ANO4: variants seen among roughly 807,000 people sequenced by gnomAD.
ANO4 encodes the protein anoctamin-4.
A neutral mutation model predicts 141.9 loss-of-function variants in ANO4; 69 were observed. The ratio of observed to expected loss-of-function variants is 0.49; its 90% CI spans 0.40 to 0.59. The LOEUF is 0.59. Among genes scored for constraint, ANO4 ranks in the 20% least tolerant of loss-of-function variants. ANO4 has a pLI of 0.00. For missense variants in ANO4, 894 were observed against 1,162.2 expected, an observed-to-expected ratio of 0.77 and a Z score of 3.36; for synonymous variants, 350 against 394.3, an observed-to-expected ratio of 0.89 and a Z score of 1.33.
At chr12:100,755,731 C>A (rs925720116) in intron 3 of ANO4, among the ~76,000 whole-genome samples, 11 of 152,124 alleles carry the variant, frequency 7.2e-5, no homozygotes, top group African/African-American at 2.4e-4. Flanking sequence ...CCTGCTTAAC[C>A]CAAATATTTG....
At chr12:100,777,894 T>C (rs1156415002) in intron 3 of ANO4, among the ~76,000 whole-genome samples, 1 of 151,748 alleles carries the variant, frequency 6.6e-6, no homozygotes. Context: ...TGGTACTTTC[T>C]TGTCTTTAGA....
At chr12:100,760,915 G>A (rs1378832022) in intron 3 of ANO4, among the ~76,000 whole-genome samples, 1 of 152,118 alleles carries the variant, frequency 6.6e-6, no homozygotes, top group African/African-American at 2.4e-5. Flanking sequence ...GGTCCTTTCT[G>A]GGTAAAGAGA....
chr12:100,790,737 A>G (rs2034018567), upstream of ANO4, among the ~76,000 whole-genome samples: 1 of 152,218 alleles, frequency 6.6e-6, no homozygotes, highest in Non-Finnish European at 1.5e-5. Context: ...CTTCAGGCTA[A>G]GGAATGCTGA....
Position 100,988,872 on chromosome 12 carries a change from G to GA in ANO4, c.734+1218dup, listed in dbSNP as rs748666892. Among the ~76,000 whole-genome samples the GA allele has an allele frequency of 9.2e-3, 600 of 64,976 alleles. 43 individuals carry two copies. Among genetic ancestry groups the GA allele is most frequent in the South Asian group, 0.043 (78 of 1,832 alleles). The allele number at this position is 64,976 out of a possible 152,430, so 42.6% of individuals were successfully genotyped here. A position where few individuals can be genotyped will look rare whatever the true frequency, so the allele number is the denominator to read the frequency against. ...GGTGACAGAGTGAGACTCTGTCTCA[G>GA]AAAAAAAAAAAAAAAAGAAAGAAAA... On this transcript the variant is annotated intron_variant, in intron 8 of 27. Transcript: ENST00000392977.
At chr12:100,805,361 T>G (rs2034943199) in intron 1 of ANO4, among the ~76,000 whole-genome samples, 1 of 152,220 alleles carries the variant, frequency 6.6e-6, no homozygotes, top group Non-Finnish European at 1.5e-5. Context: ...AGCCTTGTAG[T>G]ATAGTTTGAA....
chr12:100,717,326 C>T (rs2030637317), upstream of ANO4, among the ~76,000 whole-genome samples: 1 of 151,610 alleles, frequency 6.6e-6, no homozygotes, highest in Non-Finnish European at 1.5e-5. Flanking sequence ...TCTCGCGGCG[C>T]AGCCCGGCCG....
At chr12:100,885,927 G>A (rs1181706165) in intron 1 of ANO4, among the ~76,000 whole-genome samples, 2 of 152,130 alleles carry the variant, frequency 1.3e-5, no homozygotes, top group Non-Finnish European at 2.9e-5. Context: ...TGTCCCAGGG[G>A]AGCCACAAAG....
intron 5 of ANO4, among the ~76,000 whole-genome samples, chr12:100,948,629 A>G (rs918374703): frequency 6.6e-6 from 1 of 152,210 alleles, no homozygotes; most frequent in Non-Finnish European, 1.5e-5. Flanking sequence ...TTAAAGAAAT[A>G]TACAAAATTA....
chr12:100,854,157 A>C (rs1260556938), intron 1 of ANO4, among the ~76,000 whole-genome samples: 3 of 152,138 alleles, frequency 2.0e-5, no homozygotes, highest in African/African-American at 7.2e-5. Context: ...ATAGAATTCT[A>C]AAGTGATAGT....
chr12:100,760,663 G>A (rs1426570885), intron 3 of ANO4, among the ~76,000 whole-genome samples: 4 of 152,138 alleles, frequency 2.6e-5, no homozygotes, highest in African/African-American at 7.2e-5. Context: ...CTTGTAAAAC[G>A]TTCAGGTAGA....
At chr12:100,836,745 C>T (rs1277877324) in intron 1 of ANO4, among the ~76,000 whole-genome samples, 1 of 152,008 alleles carries the variant, frequency 6.6e-6, no homozygotes, top group Non-Finnish European at 1.5e-5. Context: ...AATAGGATGA[C>T]CCAAGGTCTA....
rs747050934 is a variant in ANO4 at position 100,901,685 on chromosome 12, A to G, written c.-101A>G. 9.7e-7 allele frequency: 1 copy of G among 1,029,774 alleles called. No homozygotes were observed. The highest frequency in any genetic ancestry group is 1.5e-6 in the Non-Finnish European group (1 of 647,266). The allele number at this position is 1,029,774 out of a possible 1,614,324, so 63.8% of individuals were successfully genotyped here. The stretch of plus-strand genomic sequence containing the variant: ...ATTCATGGGGCTGAAAAGCGTTTGC[A>G]AATCCATCAACGGCGAAGTGTGGCA... On this transcript the variant is annotated 5_prime_UTR_variant, in exon 2 of 28. Transcript: ENST00000392977.
intron 1 of ANO4, among the ~76,000 whole-genome samples, chr12:100,799,995 A>G (rs1222274734): frequency 6.6e-6 from 1 of 152,064 alleles, no homozygotes; most frequent in Non-Finnish European, 1.5e-5. Context: ...ACTGGTGTCC[A>G]TTATTTCTGG....
chr12:100,914,973 C>T (rs921657408), intron 2 of ANO4, among the ~76,000 whole-genome samples: 1 of 151,804 alleles, frequency 6.6e-6, no homozygotes, highest in Non-Finnish European at 1.5e-5. Flanking sequence ...CACCAATATG[C>T]CCAGCTAATT....
chr12:100,930,738 A>C (rs564311631), intron 3 of ANO4, among the ~76,000 whole-genome samples: 1 of 152,290 alleles, frequency 6.6e-6, no homozygotes, highest in East Asian at 1.9e-4. Context: ...ACAACCATTT[A>C]ATTGTTGCCA....
At chr12:100,905,747 A>G (rs2136044623) in intron 2 of ANO4, among the ~76,000 whole-genome samples, 1 of 152,316 alleles carries the variant, frequency 6.6e-6, no homozygotes, top group African/African-American at 2.4e-5. Context: ...TAAAAATAGC[A>G]GCTCTCCAGC....
At chr12:100,789,959 G>A (rs578254370), upstream of ANO4, among the ~76,000 whole-genome samples, 6 of 152,276 alleles carry the variant, frequency 3.9e-5, no homozygotes, top group African/African-American at 7.2e-5. Flanking sequence ...AAAACACTGC[G>A]GAAACACAGA....
At chr12:100,763,046 A>T (rs1009973886) in intron 3 of ANO4, among the ~76,000 whole-genome samples, 1 of 152,196 alleles carries the variant, frequency 6.6e-6, no homozygotes, top group African/African-American at 2.4e-5. Flanking sequence ...AAGACATGGA[A>T]CCTAGTAAAT....
chr12:101,094,249 T>C lies in ANO4; in HGVS notation c.1702-7T>C, dbSNP rs763680229. 1.9e-5 allele frequency: 31 copies of C among 1,608,626 alleles called. No homozygotes were observed. The highest frequency in any genetic ancestry group is 1.0e-4 in the Admixed American group (6 of 59,850). On this transcript the variant is annotated splice_polypyrimidine_tract_variant and splice_region_variant and intron_variant, in intron 17 of 27. Coordinates refer to ENST00000392977, the MANE Select transcript of ANO4 (RefSeq NM_001286615.2). ...CATTTATTAAATGCATGAAATTTAT[T>C]TTACAGCTCTATGAAAAAGTTGCCC...
Sources: gnomAD v4.1 joint callset for allele counts (sites outside exome capture counted in the v4.1 genomes callset) on GRCh38, gnomAD v4.1.1 for gene constraint, MANE v1.5 for transcripts, NCBI Gene and HGNC (gene_info 2026-07-23, HGNC 2026-07-21) for gene names.